GXYLT2: variants seen among roughly 807,000 people sequenced by gnomAD.
GXYLT2 encodes glycosyltransferase 8 domain containing 4.
GXYLT2 carries 53 observed loss-of-function variants against 45.8 expected under a neutral mutation model. The observed-to-expected ratio is 1.16, with a 90% CI of 0.93 to 1.46. The LOEUF (loss-of-function observed/expected upper bound fraction) is 1.46. GXYLT2 is among the 40% of genes most tolerant of loss of function. The pLI is 0.00. For synonymous variants in GXYLT2, 219 were observed against 214.2 expected, an observed-to-expected ratio of 1.02 and a Z score of -0.19; for missense variants, 551 against 544.4, an observed-to-expected ratio of 1.01 and a Z score of -0.12.
intron 2 of GXYLT2, among the ~76,000 whole-genome samples, chr3:72,912,981 A>AT (rs1163942750): frequency 6.7e-6 from 1 of 150,370 alleles, no homozygotes; most frequent in Non-Finnish European, 1.5e-5. Flanking sequence ...TAGGTGTTGA[A>AT]TTTTCCTGAT....
chr3:72,950,907 A>G (rs1472986349), intron 3 of GXYLT2, among the ~76,000 whole-genome samples: 1 of 152,208 alleles, frequency 6.6e-6, no homozygotes, highest in Non-Finnish European at 1.5e-5. Context: ...AGGGTGGTGC[A>G]TGGAGCAGGA....
intron 6 of GXYLT2, among the ~76,000 whole-genome samples, chr3:72,969,917 A>C (rs1710953016): frequency 6.7e-6 from 1 of 149,766 alleles, no homozygotes; most frequent in Non-Finnish European, 1.5e-5. Context: ...TTGAAAAAAA[A>C]AAAACAAAAA....
In GXYLT2 at chr3:72,955,247, C is replaced by T. The variant is rs747167601; in HGVS notation, c.750C>T (p.Gly250=). ...CTGAGCACGAAATCCCCAAGATTGG[C>T]TGGTACAGCCGCTTTGCTAGGCATC... ...MAPEHEIPKI[G]WYSRFARHPF... The change falls in exon 4 of 7, where the codon GGC becomes GGT. Residue 250 remains glycine, a synonymous_variant. Transcript: ENST00000389617. 6.2e-7 allele frequency: 1 copy of T among 1,614,024 alleles called. No homozygotes were observed. The highest frequency in any genetic ancestry group is 1.1e-5 in the South Asian group (1 of 91,080).
chr3:72,953,333 A>G (rs1710562877), intron 3 of GXYLT2, among the ~76,000 whole-genome samples: 1 of 152,150 alleles, frequency 6.6e-6, no homozygotes, highest in Non-Finnish European at 1.5e-5. Flanking sequence ...TCTGTCGCAC[A>G]GGCTGGAGTG....
At chr3:72,944,623 G>A (rs1035038991) in intron 3 of GXYLT2, among the ~76,000 whole-genome samples, 2 of 151,942 alleles carry the variant, frequency 1.3e-5, no homozygotes, top group East Asian at 1.9e-4. Flanking sequence ...TTCTGAAACT[G>A]TTGTTTGCTC....
At chr3:72,949,924 T>C (rs1029100854) in intron 3 of GXYLT2, among the ~76,000 whole-genome samples, 4 of 152,162 alleles carry the variant, frequency 2.6e-5, no homozygotes, top group African/African-American at 9.7e-5. Context: ...ATAGCATTTA[T>C]TGAGTCCTTG....
chr3:72,972,975 T>G (rs1343349991), intron 6 of GXYLT2, among the ~76,000 whole-genome samples: 2 of 151,976 alleles, frequency 1.3e-5, no homozygotes, highest in Non-Finnish European at 2.9e-5. Context: ...CAAGTGCCTG[T>G]GGTCCCAGCT....
Position 72,967,550 on chromosome 3 carries a change from G to C in GXYLT2, c.980G>C (p.Cys327Ser). The change falls in exon 6 of 7, where the codon TGT becomes TCT. Residue 327 changes from cysteine (C) to serine (S), a missense_variant. Physicochemically the swap from Cys to Ser is moderately radical, Grantham distance 112. Coordinates refer to ENST00000389617, the MANE Select transcript of GXYLT2 (RefSeq NM_001080393.2). ...LNIIFYFNPECLYVFPCQWNY... is the reference protein window; with the variant it reads ...LNIIFYFNPESLYVFPCQWNY... ...GTCTTTCTCTTTTTACCACCAGAGT[G>C]TCTCTATGTATTCCCCTGCCAGTGG... The C allele has an allele frequency of 6.2e-7, 1 of 1,613,098 alleles. No homozygotes were observed. Among genetic ancestry groups the C allele is most frequent in the Non-Finnish European group, 8.5e-7 (1 of 1,179,256 alleles).
chr3:72,938,247 G>A (rs1304446794), intron 3 of GXYLT2, among the ~76,000 whole-genome samples: 1 of 152,162 alleles, frequency 6.6e-6, no homozygotes, highest in African/African-American at 2.4e-5. Context: ...ATGGATAGGG[G>A]GATGGACAAT....
chr3:72,921,170 G>A (rs950400008), intron 2 of GXYLT2, among the ~76,000 whole-genome samples: 1 of 147,446 alleles, frequency 6.8e-6, no homozygotes, highest in Non-Finnish European at 1.5e-5. Flanking sequence ...TCAGACAGTA[G>A]TGAAGAAATA....
At chr3:72,956,478 C>T (rs1010343241) in intron 4 of GXYLT2, among the ~76,000 whole-genome samples, 1 of 152,034 alleles carries the variant, frequency 6.6e-6, no homozygotes, top group Non-Finnish European at 1.5e-5. Flanking sequence ...CCTTAAGATA[C>T]CTGAACTCTG....
In GXYLT2 at chr3:72,955,230, G is replaced by A. The variant is rs765667814; in HGVS notation, c.733G>A (p.Glu245Lys). ...GCTTGCAGCCATGGCCCCTGAGCAC[G>A]AAATCCCCAAGATTGGCTGGTACAG... ...TQLAAMAPEH[E>K]IPKIGWYSRF... The change falls in exon 4 of 7, where the codon GAA becomes AAA. Residue 245 changes from glutamate to lysine, a missense_variant. Coordinates refer to ENST00000389617, the MANE Select transcript of GXYLT2 (RefSeq NM_001080393.2). The A allele has an allele frequency of 3.4e-5, 55 of 1,613,918 alleles. No homozygotes were observed. Among genetic ancestry groups the A allele is most frequent in the East Asian group, 1.3e-4 (6 of 44,904 alleles).
At chr3:72,899,427 G>A (rs929809869) in intron 1 of GXYLT2, among the ~76,000 whole-genome samples, 2 of 152,178 alleles carry the variant, frequency 1.3e-5, no homozygotes, top group Non-Finnish European at 2.9e-5. Flanking sequence ...CAAGGCAAAT[G>A]CCAGCTCTTC....
At chr3:72,901,453 G>A (rs549109018) in intron 1 of GXYLT2, among the ~76,000 whole-genome samples, 2 of 136,960 alleles carry the variant, frequency 1.5e-5, no homozygotes, top group Non-Finnish European at 3.1e-5. Context: ...TACAGAGCAA[G>A]ACTCTGCATC....
chr3:72,964,561 T>TC (rs1164822175), intron 5 of GXYLT2, among the ~76,000 whole-genome samples: 4 of 152,148 alleles, frequency 2.6e-5, no homozygotes, highest in African/African-American at 9.7e-5. Context: ...GACCTCGTGA[T>TC]CCGCCCGCCT....
intron 1 of GXYLT2, among the ~76,000 whole-genome samples, chr3:72,890,987 C>G (rs142970215): frequency 6.6e-6 from 1 of 152,278 alleles, no homozygotes; most frequent in Non-Finnish European, 1.5e-5. Flanking sequence ...CTTGCTACCT[C>G]CACAGAAATG....
At chr3:72,955,702 G>A (rs911229360) in intron 4 of GXYLT2, among the ~76,000 whole-genome samples, 3 of 152,130 alleles carry the variant, frequency 2.0e-5, no homozygotes, top group Non-Finnish European at 4.4e-5. Flanking sequence ...ATTTGTATAA[G>A]GATGTTCGTG....
At chr3:72,961,463 T>C (rs1337835227) in intron 5 of GXYLT2, among the ~76,000 whole-genome samples, 1 of 152,016 alleles carries the variant, frequency 6.6e-6, no homozygotes, top group Non-Finnish European at 1.5e-5. Context: ...CAAAGTAGTT[T>C]CTTCATCTCT....
chr3:72,973,760 A>C (rs901003650), intron 6 of GXYLT2, among the ~76,000 whole-genome samples: 5 of 152,004 alleles, frequency 3.3e-5, no homozygotes, highest in Non-Finnish European at 7.4e-5. Context: ...CAAGGTTTTG[A>C]CCTATCCTGT....
Sources: gnomAD v4.1 joint callset for allele counts (sites outside exome capture counted in the v4.1 genomes callset) on GRCh38, gnomAD v4.1.1 for gene constraint, MANE v1.5 for transcripts, NCBI Gene and HGNC (gene_info 2026-07-23, HGNC 2026-07-21) for gene names.